TNXB: variants seen among roughly 807,000 people sequenced by gnomAD.
TNXB encodes the protein tenascin XB.
In TNXB, 183 loss-of-function variants were observed where a neutral mutation model predicts 340.5. The observed-to-expected ratio is 0.54, with a 90% CI of 0.48 to 0.61. The LOEUF is 0.61. Among genes scored for constraint, TNXB ranks in the 20% least tolerant of loss-of-function variants. The probability of loss-of-function intolerance (pLI) is 0.00; values close to 1 mark genes in which losing one functional copy is unlikely to be tolerated. For synonymous variants in TNXB, 2,121 were observed against 2,314.5 expected, an observed-to-expected ratio of 0.92 and a Z score of 2.40; for missense variants, 4,613 against 5,446.4, an observed-to-expected ratio of 0.85 and a Z score of 4.82.
chr6:32,103,429 CAA>C (rs9281651), intron 1 of TNXB, among the ~76,000 whole-genome samples: 6 of 129,752 alleles, frequency 4.6e-5, no homozygotes, highest in Admixed American at 7.8e-5. Flanking sequence ...GACTCCATCT[CAA>C]AAAAAAAAAA....
Position 32,107,526 on chromosome 6 carries a change from T to C in TNXB, c.-9+1655A>G, listed in dbSNP as rs891994438. Among the ~76,000 whole-genome samples, 805 of 151,926 alleles carry C rather than the reference T, an allele frequency of 5.3e-3. 9 individuals are homozygous for C. Among genetic ancestry groups the C allele is most frequent in the African/African-American group, 0.018 (728 of 41,446 alleles). The stretch of plus-strand genomic sequence containing the variant: ...GTCTCTTGTGTCTCCCCTTCACCAT[T>C]CCCCCTGCCACTATGTCTGGGGTGG... On this transcript the variant is annotated intron_variant, in intron 1 of 43. Transcript: ENST00000644971.
rs746725522 is a variant in TNXB, at chr6:32,058,139, G to A, written c.7744C>T (p.Pro2582Ser). 1 of 1,612,698 alleles carries A rather than the reference G, an allele frequency of 6.2e-7. No individual in the cohort carries two copies. Among genetic ancestry groups the A allele is most frequent in the Non-Finnish European group, 8.5e-7 (1 of 1,179,836 alleles). Residue 2582 changes from proline (P) to serine (S), a missense_variant, in exon 22 of 44, where the codon CCT becomes TCT. Pro to Ser is a moderately conservative substitution (Grantham distance 74). Transcript: ENST00000644971. The surrounding 1 kb of genome is among the most constrained non-coding windows in gnomAD (Gnocchi z 5.1). ...ESKVTVRGLE[P>S]GRKYKMHLYG... ...AGGTGCATCTTGTACTTGCGCCCAGGCTCCAGGCCCCTCACAGTGACCTTG... is the reference window on the plus strand; with the variant it reads ...AGGTGCATCTTGTACTTGCGCCCAGACTCCAGGCCCCTCACAGTGACCTTG...
chr6:32,046,390 G>T lies in TNXB; in HGVS notation c.10391C>A (p.Ser3464Tyr). The change falls in exon 31 of 44, where the codon TCT becomes TAT. Residue 3464 changes from serine to tyrosine, a missense_variant. Around this residue, in one of 7 missense-constraint regions of TNXB, gnomAD observed 4,327 missense variants for 4,859.4 expected, o/e 0.89. Coordinates refer to ENST00000644971, the MANE Select transcript of TNXB (RefSeq NM_001365276.2). This position sits in a 1 kb window ranked among gnomAD's most constrained non-coding sequence, Gnocchi z 6.9. ...GGCTACCGTCCAGGACAGGCGCAGA[G>T]AGCTGGAGGTCTCCTCAGCCACGGT... The part of the protein sequence containing the change: ...ELTVAEETSS[S>Y]LRLSWTVAQG... 6.3e-7 allele frequency: 1 copy of T among 1,588,760 alleles called. No individual in the cohort carries two copies. The highest frequency in any genetic ancestry group is 1.1e-5 in the South Asian group (1 of 89,132).
chr6:32,094,584 G>T (rs1172296170), intron 4 of TNXB, among the ~76,000 whole-genome samples: 3 of 152,186 alleles, frequency 2.0e-5, no homozygotes, highest in Non-Finnish European at 4.4e-5. Flanking sequence ...GAAGGTAAAG[G>T]ATTCAGAGAA....
At chr6:32,077,992 A>G (rs1181280911) in intron 11 of TNXB, among the ~76,000 whole-genome samples, 2 of 151,620 alleles carry the variant, frequency 1.3e-5, no homozygotes, top group Non-Finnish European at 1.5e-5. Flanking sequence ...GCACCACTGC[A>G]TTCCAGCCTG....
rs1212577562 is a variant in TNXB at position 32,108,956 on chromosome 6, C to T, written c.-9+225G>A. Among the ~76,000 whole-genome samples, 1 of 152,158 alleles carries T rather than the reference C, an allele frequency of 6.6e-6. No individual in the cohort carries two copies. The highest frequency in any genetic ancestry group is 1.5e-5 in the Non-Finnish European group (1 of 68,018). Reference sequence around the variant, plus strand: ...TCTGCATCCCATCCAAACCCTGACACATACTGCCCACCCCAACACACACAT... The same window carrying T: ...TCTGCATCCCATCCAAACCCTGACATATACTGCCCACCCCAACACACACAT... On this transcript the variant is annotated intron_variant, in intron 1 of 43. Coordinates refer to ENST00000644971, the MANE Select transcript of TNXB (RefSeq NM_001365276.2). This position sits in a 1 kb window ranked among gnomAD's most constrained non-coding sequence, Gnocchi z 4.8.
At chr6:32,044,241 C>T in intron 33 of TNXB, 112 bp from the exon 34 acceptor site, 1 of 728,474 alleles carries the variant, frequency 1.4e-6, no homozygotes, top group Non-Finnish European at 2.2e-6. Context: ...TTCCTCTAGT[C>T]CCCAGGAATG....
intron 1 of TNXB, among the ~76,000 whole-genome samples, chr6:32,104,015 GCCA>G: frequency 6.6e-6 from 1 of 152,260 alleles, no homozygotes; most frequent in East Asian, 1.9e-4. Flanking sequence ...ACAGGCATGA[GCCA>G]CCACACCTGG....
chr6:32,048,708 A>G, intron 28 of TNXB, 58 bp from the exon 29 acceptor site: 1 of 1,368,296 alleles, frequency 7.3e-7, no homozygotes. Context: ...CAAGGGAGGC[A>G]GTGCTCTCCC....
In TNXB at chr6:32,064,235, C is replaced by T. The variant is rs181363718; in HGVS notation, c.6841+586G>A. Among the ~76,000 whole-genome samples the T allele has an allele frequency of 2.6e-5, 4 of 152,162 alleles. No homozygotes were observed. The East Asian group carries it at 7.7e-4, about 29-fold the overall frequency. ...GTTTGCTTGTTTTGTTTTTTTGAGA[C>T]AGGGTCTCACTCTGTCACACAGGCT... On this transcript the variant is annotated intron_variant, in intron 19 of 43. Coordinates refer to ENST00000644971, the MANE Select transcript of TNXB (RefSeq NM_001365276.2). The surrounding 1 kb of genome is among the most constrained non-coding windows in gnomAD (Gnocchi z 5.3).
Position 32,097,975 on chromosome 6 carries a change from T to G in TNXB, c.224A>C (p.His75Pro). The G allele has an allele frequency of 6.2e-7, 1 of 1,607,114 alleles. No homozygotes were observed. Among genetic ancestry groups the G allele is most frequent in the Non-Finnish European group, 8.5e-7 (1 of 1,178,010 alleles). Reference protein sequence around the residue: ...EGGEKQVVFTHRINLPPSTGC... With the variant: ...EGGEKQVVFTPRINLPPSTGC... ...AGTGGAAGGGGGCAGGTTAATGCGGTGGGTGAATACCACCTGCTTCTCCCC... is the reference window on the plus strand; with the variant it reads ...AGTGGAAGGGGGCAGGTTAATGCGGGGGGTGAATACCACCTGCTTCTCCCC... Residue 75 changes from histidine (H) to proline (P), a missense_variant, in exon 2 of 44, where the codon CAC becomes CCC. His to Pro is a moderately conservative substitution (Grantham distance 77, BLOSUM62 -2). This residue lies in a region of TNXB where 4,327 missense variants were observed against 4,859.4 expected (regional missense o/e 0.89). Coordinates refer to ENST00000644971, the MANE Select transcript of TNXB (RefSeq NM_001365276.2). This position sits in a 1 kb window ranked among gnomAD's most constrained non-coding sequence, Gnocchi z 5.9.
chr6:32,048,480 C>T lies in TNXB; in HGVS notation c.9928G>A (p.Gly3310Arg), dbSNP rs769223462. The change falls in exon 29 of 44, where the codon GGA becomes AGA. Residue 3310 changes from glycine to arginine, a missense_variant. By Grantham distance (125) the Gly-to-Arg change is moderately radical. This residue lies in a region of TNXB where 4,327 missense variants were observed against 4,859.4 expected (regional missense o/e 0.89). Coordinates refer to ENST00000644971, the MANE Select transcript of TNXB (RefSeq NM_001365276.2). ...GAGACGGCGACCGCTCGGAGGTCTC[C>T]GCTCACAGGCACTGCCTGGGGCTGC... Reference protein sequence around the residue: ...QGQPQAVPVSGDLRAVAVSGL... With the variant: ...QGQPQAVPVSRDLRAVAVSGL... 5.0e-6 allele frequency: 8 copies of T among 1,600,838 alleles called. No homozygotes were observed. The highest frequency in any genetic ancestry group is 4.5e-5 in the East Asian group (2 of 44,712).
Position 32,083,399 on chromosome 6 carries a change from G to T in TNXB, c.3445+1014C>A, listed in dbSNP as rs1779588738. Among the ~76,000 whole-genome samples, 2 of 152,164 alleles carry T rather than the reference G, an allele frequency of 1.3e-5. No homozygotes were observed. The highest frequency in any genetic ancestry group is 1.3e-4 in the Admixed American group (2 of 15,280). ...ATGCCTCCCAGGTGTGCTTTATGGG[G>T]TGTGATGATCCACTTAGAGAACATC... On this transcript the variant is annotated intron_variant, in intron 8 of 43. Transcript: ENST00000644971. This position sits in a 1 kb window ranked among gnomAD's most constrained non-coding sequence, Gnocchi z 4.6.
Position 32,042,719 on chromosome 6 carries a change from A to G in TNXB, c.12038T>C (p.Val4013Ala). The G allele has an allele frequency of 9.7e-7, 1 of 1,031,960 alleles. No individual in the cohort carries two copies. The highest frequency in any genetic ancestry group is 1.4e-6 in the Non-Finnish European group (1 of 708,460). 63.9% of individuals were successfully genotyped at this position (1,031,960 alleles called of 1,614,324 possible). Reference sequence around the variant, plus strand: ...GGTACCCGTGGTGAAAGAGGTGGACACGGGCGGCAGGAGGCTCTGGCCCCA... The same window carrying G: ...GGTACCCGTGGTGAAAGAGGTGGACGCGGGCGGCAGGAGGCTCTGGCCCCA... ...AMWGQSLLPP[V>A]STSFTTGGLR... is the part of the protein sequence containing the mutation. The change falls in exon 39 of 44, where the codon GTG (valine) becomes GCG (alanine). Residue 4013 changes from valine to alanine, a missense_variant. Coordinates refer to ENST00000644971, the MANE Select transcript of TNXB (RefSeq NM_001365276.2).
At position 32,049,227 on chromosome 6, in the gene TNXB, T is replaced by C; in HGVS notation, c.9757+43A>G. Reference sequence around the variant, plus strand: ...ATCCAAAGGAGAAACACAAGGGGGCTGCAGAGGTAAACCTGGGGACGAGGG... The same window carrying C: ...ATCCAAAGGAGAAACACAAGGGGGCCGCAGAGGTAAACCTGGGGACGAGGG... On this transcript the variant is annotated intron_variant, in intron 28 of 43. Coordinates refer to ENST00000644971, the MANE Select transcript of TNXB (RefSeq NM_001365276.2). The surrounding 1 kb of genome is among the most constrained non-coding windows in gnomAD (Gnocchi z 4.5). The C allele has an allele frequency of 6.3e-7, 1 of 1,581,090 alleles. No homozygotes were observed.
rs1778191945 is a variant in TNXB, at chr6:32,064,218, GT to G, written c.6841+602del. On this transcript the variant is annotated intron_variant, in intron 19 of 43. Coordinates refer to ENST00000644971, the MANE Select transcript of TNXB (RefSeq NM_001365276.2). This position sits in a 1 kb window ranked among gnomAD's most constrained non-coding sequence, Gnocchi z 5.3. ...TCGTGTGTCTGTTTTTTGTTTGCTT[GT>G]TTTGTTTTTTTGAGACAGGGTCTCA... 6.6e-6 allele frequency among the ~76,000 whole-genome samples: 1 copy of G among 152,056 alleles called. No homozygotes were observed. The highest frequency in any genetic ancestry group is 2.1e-4 in the South Asian group (1 of 4,822).
intron 1 of TNXB, among the ~76,000 whole-genome samples, chr6:32,104,171 T>C (rs1272731409): frequency 1.3e-5 from 2 of 152,248 alleles, no homozygotes; most frequent in Non-Finnish European, 2.9e-5. Context: ...CCCCAGATGA[T>C]TGTAATGTGC....
At chr6:32,106,709 G>C (rs1470912754) in intron 1 of TNXB, among the ~76,000 whole-genome samples, 1 of 152,160 alleles carries the variant, frequency 6.6e-6, no homozygotes, top group African/African-American at 2.4e-5. Context: ...GGCATACAGA[G>C]AGCTGCCCTT....
In TNXB at chr6:32,068,528, G is replaced by A; in HGVS notation, c.6082C>T (p.Pro2028Ser). 1 of 1,613,984 alleles carries A rather than the reference G, an allele frequency of 6.2e-7. No homozygotes were observed. ...TGCCCTGGCACCCTCACTGCCTTGG[G>A]CTGCCCATCTCCATTCCTGTACTGG... ...LVQYRNGDGQPKAVRVPGHEE... is the reference protein window; with the variant it reads ...LVQYRNGDGQSKAVRVPGHEE... The change falls in exon 17 of 44, where the codon CCC becomes TCC. Residue 2028 changes from proline (P) to serine (S), a missense_variant. Around this residue, in one of 7 missense-constraint regions of TNXB, gnomAD observed 4,327 missense variants for 4,859.4 expected, o/e 0.89. Transcript: ENST00000644971. This position sits in a 1 kb window ranked among gnomAD's most constrained non-coding sequence, Gnocchi z 5.3.
Sources: gnomAD v4.1 joint callset for allele counts (sites outside exome capture counted in the v4.1 genomes callset) on GRCh38, gnomAD v4.1.1 for gene constraint, gnomAD v4.1.1 regional missense constraint, Gnocchi (gnomAD v3.1) non-coding constraint, MANE v1.5 for transcripts, NCBI Gene and HGNC (gene_info 2026-07-23, HGNC 2026-07-21) for gene names.